Variants in SMCHD1 observed in about 807,000 individuals in gnomAD.
The protein encoded by SMCHD1 is structural maintenance of chromosomes flexible hinge domain containing 1.
Under a neutral mutation model 254.7 loss-of-function variants are expected in SMCHD1, and 78 were observed. That is an observed-to-expected ratio of 0.31 (90% CI 0.26 to 0.37). SMCHD1 has a LOEUF of 0.37. Ranked by LOEUF, SMCHD1 falls within the 10% of genes least tolerant of loss-of-function variation. SMCHD1 has a pLI of 1.00. For synonymous variants in SMCHD1, 766 were observed against 794.9 expected, an observed-to-expected ratio of 0.96 and a Z score of 0.61; for missense variants, 1,840 against 2,408.1, an observed-to-expected ratio of 0.76 and a Z score of 4.94.
Position 2,706,242 on chromosome 18 carries a change from G to A in SMCHD1, c.1957-122G>A, listed in dbSNP as rs951863603. ...GTGGTGTAACGTAAGAATAGCTACTGTTATTTATGTACTTAATTAGGATAA... is the reference window on the plus strand; with the variant it reads ...GTGGTGTAACGTAAGAATAGCTACTATTATTTATGTACTTAATTAGGATAA... On this transcript the variant is annotated intron_variant, in intron 14 of 47. Transcript: ENST00000320876. 2.0e-5 allele frequency: 12 copies of A among 613,688 alleles called. No homozygotes were observed. The African/African-American group carries it at 2.2e-4, about 11-fold the overall frequency. The allele number at this position is 613,688 out of a possible 1,614,324, so 38.0% of individuals were successfully genotyped here.
chr18:2,667,538 C>G (rs537308184), intron 3 of SMCHD1, among the ~76,000 whole-genome samples: 12 of 152,298 alleles, frequency 7.9e-5, no homozygotes, highest in African/African-American at 2.9e-4. Flanking sequence ...TCCTCTCTTT[C>G]AGGACTTGCC....
chr18:2,705,630 A>C, intron 13 of SMCHD1, 64 bp from the exon 14 acceptor site: 1 of 663,224 alleles, frequency 1.5e-6, no homozygotes. Flanking sequence ...ATTATTATTA[A>C]GCCTTTTTCT....
chr18:2,707,431 T>C (rs1264723411), intron 15 of SMCHD1, 132 bp from the exon 16 acceptor site: 6 of 492,514 alleles, frequency 1.2e-5, no homozygotes, highest in African/African-American at 2.0e-5. Context: ...TGATTAATCG[T>C]AAAGAATTCC....
At chr18:2,758,880 A>T (rs1224859734) in intron 34 of SMCHD1, among the ~76,000 whole-genome samples, 2 of 151,408 alleles carry the variant, frequency 1.3e-5, no homozygotes, top group African/African-American at 2.4e-5. Context: ...CTTGGTTTTC[A>T]CGGGCTTTGA....
At chr18:2,677,313 T>C (rs542485156) in intron 5 of SMCHD1, among the ~76,000 whole-genome samples, 1 of 152,340 alleles carries the variant, frequency 6.6e-6, no homozygotes, top group Non-Finnish European at 1.5e-5. Flanking sequence ...CAGTATACTT[T>C]TTCCTAGTTT....
At chr18:2,763,611 A>G in intron 36 of SMCHD1, 26 bp from the exon 37 acceptor site, 1 of 1,525,804 alleles carries the variant, frequency 6.6e-7, no homozygotes, top group African/African-American at 1.4e-5. Flanking sequence ...CAGTTTCTCT[A>G]ATTGTTTTCC....
At chr18:2,795,172 G>T (rs1245130541) in intron 45 of SMCHD1, among the ~76,000 whole-genome samples, 1 of 152,088 alleles carries the variant, frequency 6.6e-6, no homozygotes, top group Non-Finnish European at 1.5e-5. Context: ...TCCTGCCTCA[G>T]CCTCCCAAGT....
intron 47 of SMCHD1, among the ~76,000 whole-genome samples, chr18:2,802,172 A>G (rs1007401743): frequency 1.1e-4 from 16 of 152,246 alleles, no homozygotes; most frequent in Non-Finnish European, 1.8e-4. Flanking sequence ...CTTTTCTGTA[A>G]TAAGCATTAT....
chr18:2,688,562 ACT>A lies in SMCHD1; in HGVS notation c.753+57_753+58del, dbSNP rs1386917007. ...AGTTGATCAAAATATTTTGAAGTTG[ACT>A]CTGTCTAAATGCATTAACCAGTTTA... On this transcript the variant is annotated intron_variant, in intron 6 of 47. Transcript: ENST00000320876. 5.0e-6 allele frequency: 8 copies of A among 1,588,352 alleles called. No individual in the cohort carries two copies. In the African/African-American group the frequency reaches 6.7e-5, roughly 13 times the overall value.
intron 37 of SMCHD1, among the ~76,000 whole-genome samples, chr18:2,768,684 A>G (rs1220063231): frequency 6.8e-6 from 1 of 146,448 alleles, no homozygotes; most frequent in Non-Finnish European, 1.5e-5. Flanking sequence ...TATATACTAT[A>G]CTACTAGTAT....
chr18:2,690,775 C>T (rs527664215), intron 7 of SMCHD1, among the ~76,000 whole-genome samples: 11 of 151,826 alleles, frequency 7.2e-5, no homozygotes, highest in Non-Finnish European at 1.5e-4. Flanking sequence ...TGAGCCACCA[C>T]GCCCAGCCTG....
intron 47 of SMCHD1, chr18:2,800,985 C>G (rs981205754): frequency 6.6e-6 from 1 of 152,024 alleles, no homozygotes; most frequent in Non-Finnish European, 1.5e-5. Flanking sequence ...AATGAATAAA[C>G]AGATTACAAA....
At chr18:2,660,472 G>GTT (rs547130890) in intron 1 of SMCHD1, among the ~76,000 whole-genome samples, 4,533 of 126,134 alleles carry the variant, frequency 0.036, 280 homozygotes, top group African/African-American at 0.1. Flanking sequence ...AAAATCCATG[G>GTT]TTTTTTTTTT....
At chr18:2,788,818 G>A (rs960967546) in intron 45 of SMCHD1, among the ~76,000 whole-genome samples, 6 of 151,914 alleles carry the variant, frequency 3.9e-5, no homozygotes, top group Non-Finnish European at 8.8e-5. Flanking sequence ...GGCTGGTCTC[G>A]AACTCCTGCC....
In SMCHD1 at chr18:2,729,400, TG is replaced by T; in HGVS notation, c.3040del (p.Glu1014LysfsTer31). On this transcript the variant is annotated frameshift_variant, in exon 24 of 48. Coordinates refer to ENST00000320876, the MANE Select transcript of SMCHD1 (RefSeq NM_015295.3). LOFTEE classifies it high-confidence loss of function. ...KKDQTLKARI[E>X]IPSCKDVAPV... is the part of the protein sequence containing the mutation. ...AAGACCAGACGCTTAAAGCAAGAATTGAAATACCTGTAAGTTATTATTGTTA... is the reference window on the plus strand; with the variant it reads ...AAGACCAGACGCTTAAAGCAAGAATTAAATACCTGTAAGTTATTATTGTTA... 6.6e-7 allele frequency: 1 copy of T among 1,523,264 alleles called. No individual in the cohort carries two copies. The highest frequency in any genetic ancestry group is 8.8e-7 in the Non-Finnish European group (1 of 1,136,502). 94.4% of individuals were successfully genotyped at this position (1,523,264 alleles called of 1,614,324 possible).
At chr18:2,763,598 C>A in intron 36 of SMCHD1, 39 bp from the exon 37 acceptor site, 2 of 1,471,768 alleles carry the variant, frequency 1.4e-6, no homozygotes, top group South Asian at 2.7e-5. Flanking sequence ...TTAATCTTCT[C>A]ATCAGTTTCT....
intron 25 of SMCHD1, among the ~76,000 whole-genome samples, chr18:2,738,098 A>G (rs1324063449): frequency 6.6e-6 from 1 of 152,212 alleles, no homozygotes; most frequent in Non-Finnish European, 1.5e-5. Flanking sequence ...GATCTGATTT[A>G]TATGTTACTT....
At chr18:2,749,741 AAACTTCATTTGATCT>A (rs2075536510) in intron 30 of SMCHD1, among the ~76,000 whole-genome samples, 1 of 152,226 alleles carries the variant, frequency 6.6e-6, no homozygotes, top group Non-Finnish European at 1.5e-5. Flanking sequence ...TTGTGTAAAC[AAACTTCATTTGATCT>A]ATCAGTGATA....
Position 2,750,450 on chromosome 18 carries a change from C to T in SMCHD1, c.4108C>T (p.Arg1370Cys), listed in dbSNP as rs942559171. Reference sequence around the variant, plus strand: ...TCTTCCAGACCCAGAAAAACCCGTTCGTCTCAATGTTAAATATGACAAAGA... The same window carrying T: ...TCTTCCAGACCCAGAAAAACCCGTTTGTCTCAATGTTAAATATGACAAAGA... Reference protein sequence around the residue: ...MILPDPEKPVRLNVKYDKDAS... With the variant: ...MILPDPEKPVCLNVKYDKDAS... The change falls in exon 32 of 48, where the codon CGT (arginine) becomes TGT (cysteine). Residue 1370 changes from arginine (R) to cysteine (C), a missense_variant. Arg to Cys is a radical substitution (Grantham distance 180). Around this residue, in one of 9 missense-constraint regions of SMCHD1, gnomAD observed 881 missense variants for 1,009.5 expected, o/e 0.87. Coordinates refer to ENST00000320876, the MANE Select transcript of SMCHD1 (RefSeq NM_015295.3). The T allele has an allele frequency of 7.4e-6, 12 of 1,610,852 alleles. No individual in the cohort carries two copies. Among genetic ancestry groups the T allele is most frequent in the Admixed American group, 5.0e-5 (3 of 59,526 alleles).
Sources: allele counts gnomAD v4.1 joint callset (sites outside exome capture counted in the v4.1 genomes callset), GRCh38; gene constraint gnomAD v4.1.1; regional missense constraint gnomAD v4.1.1; transcripts MANE v1.5; gene names NCBI Gene and HGNC (gene_info 2026-07-23, HGNC 2026-07-21).